PITPNC1: variants seen among roughly 807,000 people sequenced by gnomAD.
PITPNC1 encodes phosphatidylinositol transfer protein cytoplasmic 1.
PITPNC1 carries 18 observed loss-of-function variants against 44.7 expected under a neutral mutation model. The ratio of observed to expected loss-of-function variants is 0.40; its 90% confidence interval spans 0.28 to 0.60. The LOEUF is 0.60. Ranked by LOEUF, PITPNC1 falls within the 20% of genes least tolerant of loss-of-function variation. The pLI, the probability that PITPNC1 is intolerant of heterozygous loss-of-function variation, is 0.39. For missense variants in PITPNC1, 290 were observed against 418.4 expected, an observed-to-expected ratio of 0.69 and a Z score of 2.68; for synonymous variants, 141 against 149.6, an observed-to-expected ratio of 0.94 and a Z score of 0.42.
rs185045529 is a variant in PITPNC1 at position 67,672,111 on chromosome 17, A to T, written c.618+2448A>T. ...ACCACACCAGGCTAACTTTTGTATTATTAGTAGAGACGGGGTTTCACCATG... is the reference window on the plus strand; with the variant it reads ...ACCACACCAGGCTAACTTTTGTATTTTTAGTAGAGACGGGGTTTCACCATG... On this transcript the variant is annotated intron_variant, in intron 7 of 8. Transcript: ENST00000581322. 2.1e-4 allele frequency among the ~76,000 whole-genome samples: 32 copies of T among 151,646 alleles called. No homozygotes were observed. The East Asian group carries it at 6.1e-3, about 29-fold the overall frequency.
At chr17:67,590,953 C>CAAAA (rs200548431) in intron 5 of PITPNC1, among the ~76,000 whole-genome samples, 1 of 123,394 alleles carries the variant, frequency 8.1e-6, no homozygotes, top group Non-Finnish European at 1.7e-5. Flanking sequence ...AACTCTGTCT[C>CAAAA]AAAAAAAAAA....
chr17:67,631,225 A>G (rs1400433316), intron 5 of PITPNC1, among the ~76,000 whole-genome samples: 1 of 151,578 alleles, frequency 6.6e-6, no homozygotes, highest in Non-Finnish European at 1.5e-5. Context: ...TTAAATGATC[A>G]AGAAAAACAG....
chr17:67,384,809 T>C (rs1459892867), intron 1 of PITPNC1, among the ~76,000 whole-genome samples: 4 of 152,216 alleles, frequency 2.6e-5, no homozygotes, highest in Non-Finnish European at 5.9e-5. Flanking sequence ...GATTTTAAGT[T>C]TGCTGCTGGC....
chr17:67,475,313 C>G (rs145387623), intron 1 of PITPNC1, among the ~76,000 whole-genome samples: 287 of 152,260 alleles, frequency 1.9e-3, no homozygotes, highest in African/African-American at 6.6e-3. Context: ...AGGTTAATTT[C>G]TGAAAGCCCA....
intron 2 of PITPNC1, among the ~76,000 whole-genome samples, chr17:67,543,161 A>C (rs1160507190): frequency 1.3e-5 from 2 of 152,212 alleles, no homozygotes; most frequent in Non-Finnish European, 1.5e-5. Flanking sequence ...GGCAGAAATC[A>C]ACAGCCCCAT....
intron 6 of PITPNC1, among the ~76,000 whole-genome samples, chr17:67,646,242 T>C (rs2042148127): frequency 6.6e-6 from 1 of 152,350 alleles, no homozygotes; most frequent in South Asian, 2.1e-4. Flanking sequence ...ATGACTATGA[T>C]GTTTGAGGTG....
At chr17:67,445,414 C>T (rs943177533) in intron 1 of PITPNC1, among the ~76,000 whole-genome samples, 2 of 151,896 alleles carry the variant, frequency 1.3e-5, no homozygotes, top group Admixed American at 1.3e-4. Flanking sequence ...TTTGGGATAC[C>T]GCTTTCTGAG....
At chr17:67,647,463 GGTTTTTTTT>G (rs1427101406) in intron 6 of PITPNC1, among the ~76,000 whole-genome samples, 25 of 90,614 alleles carry the variant, frequency 2.8e-4, no homozygotes, top group Middle Eastern at 5.9e-3. Context: ...GCTAATTTTG[GGTTTTTTTT>G]TTTTTTTTTT....
intron 1 of PITPNC1, among the ~76,000 whole-genome samples, chr17:67,398,942 G>A (rs1385112211): frequency 2.0e-5 from 3 of 151,126 alleles, no homozygotes; most frequent in South Asian, 2.1e-4. Context: ...TTCAAAGGCC[G>A]AGTAACCATA....
At chr17:67,569,938 G>A (rs529427823) in intron 4 of PITPNC1, among the ~76,000 whole-genome samples, 4 of 152,288 alleles carry the variant, frequency 2.6e-5, no homozygotes, top group South Asian at 2.1e-4. Flanking sequence ...AAGAGGATTC[G>A]AGACCTGGAG....
At position 67,508,351 on chromosome 17, in the gene PITPNC1, C is replaced by G. The variant is rs375624758; in HGVS notation, c.49-24451C>G. On this transcript the variant is annotated intron_variant, in intron 1 of 8. Coordinates refer to ENST00000581322, the MANE Select transcript of PITPNC1 (RefSeq NM_012417.4). The surrounding 1 kb of genome is among the most constrained non-coding windows in gnomAD (Gnocchi z 4.2). Reference sequence around the variant, plus strand: ...GGTTATTTCTTAATGATGTGCTAAACAAGGGGTGGGTTATTCATGCCTACT... The same window carrying G: ...GGTTATTTCTTAATGATGTGCTAAAGAAGGGGTGGGTTATTCATGCCTACT... 1.2e-4 allele frequency among the ~76,000 whole-genome samples: 18 copies of G among 152,202 alleles called. No homozygotes were observed. The highest frequency in any genetic ancestry group is 4.3e-4 in the African/African-American group (18 of 41,450).
intron 5 of PITPNC1, among the ~76,000 whole-genome samples, chr17:67,605,028 G>A (rs762158970): frequency 5.3e-5 from 8 of 152,080 alleles, no homozygotes; most frequent in Non-Finnish European, 1.0e-4. Flanking sequence ...GCAGTGAGCC[G>A]AAATCGCGCC....
chr17:67,541,043 C>T (rs2040599018), intron 2 of PITPNC1, among the ~76,000 whole-genome samples: 2 of 152,108 alleles, frequency 1.3e-5, no homozygotes, highest in South Asian at 2.1e-4. Flanking sequence ...ATGGTGAAAC[C>T]CTGCCTGCTA....
rs199922597 is a variant in PITPNC1 at position 67,472,765 on chromosome 17, G to A, written c.49-60037G>A. Among the ~76,000 whole-genome samples the A allele has an allele frequency of 3.2e-4, 48 of 152,186 alleles. 1 individual carries two copies. The East Asian group carries it at 3.7e-3, about 12-fold the overall frequency. On this transcript the variant is annotated intron_variant, in intron 1 of 8. Transcript: ENST00000581322. The stretch of plus-strand genomic sequence containing the variant: ...GGGCCACGGGTTGGACAAGCTTACC[G>A]TCTATTCATTAGAAGTGAGTCACTC...
intron 1 of PITPNC1, among the ~76,000 whole-genome samples, chr17:67,503,083 AC>A (rs1438278875): frequency 1.3e-5 from 2 of 152,150 alleles, no homozygotes; most frequent in Non-Finnish European, 1.5e-5. Context: ...GGGGTGAGCC[AC>A]CTCGCCCAGG....
intron 1 of PITPNC1, among the ~76,000 whole-genome samples, chr17:67,379,925 C>A: frequency 6.6e-6 from 1 of 152,110 alleles, no homozygotes; most frequent in East Asian, 1.9e-4. Flanking sequence ...TAGTTGGTTC[C>A]CTTTTCAGGC....
intron 2 of PITPNC1, among the ~76,000 whole-genome samples, chr17:67,540,930 G>A (rs1474242109): frequency 3.3e-5 from 5 of 152,192 alleles, no homozygotes; most frequent in African/African-American, 1.2e-4. Flanking sequence ...AAAAGACTGA[G>A]TGAGGGCTGG....
At position 67,587,651 on chromosome 17, in the gene PITPNC1, T is replaced by C. The variant is rs78425018; in HGVS notation, c.366+9394T>C. On this transcript the variant is annotated intron_variant, in intron 5 of 8. Coordinates refer to ENST00000581322, the MANE Select transcript of PITPNC1 (RefSeq NM_012417.4). Reference sequence around the variant, plus strand: ...CCAGGTCCTAAGAAGGACCTTCTGATGGCTTCCAGGTCCAGCTTCTCGTTG... The same window carrying C: ...CCAGGTCCTAAGAAGGACCTTCTGACGGCTTCCAGGTCCAGCTTCTCGTTG... Among the ~76,000 whole-genome samples the C allele has an allele frequency of 1.2e-3, 183 of 152,336 alleles. 2 individuals carry two copies. The highest frequency in any genetic ancestry group is 4.2e-3 in the African/African-American group (176 of 41,586).
intron 1 of PITPNC1, among the ~76,000 whole-genome samples, chr17:67,420,821 C>T (rs1048686617): frequency 3.9e-5 from 6 of 152,304 alleles, no homozygotes; most frequent in East Asian, 1.9e-4. Context: ...AGTGTTTTGG[C>T]ACTCAGACTT....
Sources: allele counts gnomAD v4.1 joint callset (sites outside exome capture counted in the v4.1 genomes callset), GRCh38; gene constraint gnomAD v4.1.1; non-coding constraint Gnocchi (gnomAD v3.1); transcripts MANE v1.5; gene names NCBI Gene and HGNC (gene_info 2026-07-23, HGNC 2026-07-21).